MTFR1L: variants seen among roughly 807,000 people sequenced by gnomAD.
MTFR1L encodes mitochondrial fission regulator 1-like.
In MTFR1L, 10 loss-of-function variants were observed where a neutral mutation model predicts 27.9. That is an observed-to-expected ratio of 0.36 (90% CI 0.22 to 0.61). The LOEUF (loss-of-function observed/expected upper bound fraction) is 0.61, where lower values mean the gene tolerates loss of function less well. Among genes scored for constraint, MTFR1L ranks in the 20% least tolerant of loss-of-function variants. The pLI is 0.73. For missense variants in MTFR1L, 315 were observed against 363.7 expected (o/e 0.87, Z 1.09); for synonymous variants, 151 against 139.4 (o/e 1.08, Z -0.58).
chr1:25,823,152 G>A, intron 2 of MTFR1L, 24 bp downstream of exon 2: 1 of 1,610,086 alleles, frequency 6.2e-7, no homozygotes, highest in Non-Finnish European at 8.5e-7. Context: ...CCAGGGCAGG[G>A]GTATGGTGGG....
At position 25,823,073 on chromosome 1, in the gene MTFR1L, G is replaced by A; in HGVS notation, c.-32G>A. ...CGCCTCCCGGAGCTGCCCAGTGGCTGCCTTGTCCTTCAAGTGCAGGAGCTG... is the reference window on the plus strand; with the variant it reads ...CGCCTCCCGGAGCTGCCCAGTGGCTACCTTGTCCTTCAAGTGCAGGAGCTG... On this transcript the variant is annotated 5_prime_UTR_variant, in exon 2 of 7. Transcript: ENST00000374303. 6.2e-7 allele frequency: 1 copy of A among 1,614,206 alleles called. No individual in the cohort carries two copies. Among genetic ancestry groups the A allele is most frequent in the Admixed American group, 1.7e-5 (1 of 60,036 alleles).
At chr1:25,823,604 A>G (rs766134653) in intron 2 of MTFR1L, 40 bp from the exon 3 acceptor site, 61 of 1,605,828 alleles carry the variant, frequency 3.8e-5, no homozygotes, top group Non-Finnish European at 5.0e-5. Context: ...AGTTGGATTC[A>G]TTCTCTGGGG....
intron 1 of MTFR1L, chr1:25,821,040 T>C: frequency 3.7e-6 from 1 of 272,914 alleles, no homozygotes; most frequent in South Asian, 3.0e-5. Context: ...CCAGTGTGGC[T>C]GGAGGGCAAG....
rs753218882 is a variant in MTFR1L at position 25,832,193 on chromosome 1, A to ACTT, written c.*169_*171dup. 1 of 1,535,340 alleles carries ACTT rather than the reference A, an allele frequency of 6.5e-7. No individual in the cohort carries two copies. On this transcript the variant is annotated 3_prime_UTR_variant, in exon 7 of 7. Transcript: ENST00000374303. ...AAGAGCTGGATTATATATTTCCCAGACTTCAAACCCTAGCAGAAGCTAAGG... is the reference window on the plus strand; with the variant it reads ...AAGAGCTGGATTATATATTTCCCAGACTTCTTCAAACCCTAGCAGAAGCTAAGG...
intron 1 of MTFR1L, chr1:25,822,771 C>T: frequency 1.8e-6 from 1 of 570,882 alleles, no homozygotes. Context: ...CGTGATCCGC[C>T]CACCTCGGCC....
chr1:25,824,101 C>T (rs1369616713), intron 3 of MTFR1L, among the ~76,000 whole-genome samples: 2 of 152,178 alleles, frequency 1.3e-5, no homozygotes, highest in African/African-American at 4.8e-5. Flanking sequence ...GTCTTAAACT[C>T]CTGGGCTCAA....
At position 25,829,698 on chromosome 1, in the gene MTFR1L, G is replaced by A. The variant is rs1293844504; in HGVS notation, c.641G>A (p.Cys214Tyr). Residue 214 changes from cysteine (C) to tyrosine (Y), a missense_variant, in exon 6 of 7, where the codon TGC becomes TAC. Cys to Tyr is a radical substitution (Grantham distance 194, BLOSUM62 -2). Transcript: ENST00000374303. The part of the protein sequence containing the change: ...PLLCSASPEC[C>Y]KPEHKAACSS... ...CTTTGTTCTGCCAGCCCTGAATGTTGCAAACCAGAACACAAAGCTGCCTGC... is the reference window on the plus strand; with the variant it reads ...CTTTGTTCTGCCAGCCCTGAATGTTACAAACCAGAACACAAAGCTGCCTGC... 1 of 1,614,098 alleles carries A rather than the reference G, an allele frequency of 6.2e-7. No homozygotes were observed. The highest frequency in any genetic ancestry group is 2.2e-5 in the East Asian group (1 of 44,888).
In MTFR1L at chr1:25,832,172, G is replaced by C. The variant is rs1252010973; in HGVS notation, c.*146G>C. 7 of 1,547,310 alleles carry C rather than the reference G, an allele frequency of 4.5e-6. No individual in the cohort carries two copies. The highest frequency in any genetic ancestry group is 6.1e-6 in the Non-Finnish European group (7 of 1,150,654). On this transcript the variant is annotated 3_prime_UTR_variant, in exon 7 of 7. Coordinates refer to ENST00000374303, the MANE Select transcript of MTFR1L (RefSeq NM_001099625.2). ...CTAGAGCTTGGACTGAAAGAGAAGAGCTGGATTATATATTTCCCAGACTTC... is the reference window on the plus strand; with the variant it reads ...CTAGAGCTTGGACTGAAAGAGAAGACCTGGATTATATATTTCCCAGACTTC...
chr1:25,829,272 T>C (rs1431351450), intron 5 of MTFR1L, among the ~76,000 whole-genome samples: 1 of 152,110 alleles, frequency 6.6e-6, no homozygotes, highest in Non-Finnish European at 1.5e-5. Context: ...TGGGGCTGGG[T>C]TTTCCTGCCT....
chr1:25,823,604 A>T (rs766134653), intron 2 of MTFR1L, 40 bp from the exon 3 acceptor site: 1 of 1,605,946 alleles, frequency 6.2e-7, no homozygotes, highest in South Asian at 1.1e-5. Context: ...AGTTGGATTC[A>T]TTCTCTGGGG....
Position 25,826,005 on chromosome 1 carries a change from T to C in MTFR1L, c.130-297T>C. The C allele has an allele frequency of 3.1e-6, 1 of 321,020 alleles. No individual in the cohort carries two copies. Among genetic ancestry groups the C allele is most frequent in the Non-Finnish European group, 6.0e-6 (1 of 167,904 alleles). The allele number at this position is 321,020 out of a possible 1,614,324, so 19.9% of individuals were successfully genotyped here. A position where few individuals can be genotyped will look rare whatever the true frequency, so the allele number is the denominator to read the frequency against. On this transcript the variant is annotated intron_variant, in intron 3 of 6. Transcript: ENST00000374303. The surrounding 1 kb of genome is among the most constrained non-coding windows in gnomAD (Gnocchi z 4.1). ...TATACCACCATACCCAGATAATTTT[T>C]GTATTTTTTGGTAGAGGCAGGGTTT...
In MTFR1L at chr1:25,826,825, A is replaced by C. The variant is rs759781127; in HGVS notation, c.450A>C (p.Ala150=). The C allele has an allele frequency of 1.2e-6, 2 of 1,613,610 alleles. No homozygotes were observed. The highest frequency in any genetic ancestry group is 1.7e-6 in the Non-Finnish European group (2 of 1,179,954). The change falls in exon 5 of 7, where the codon GCA becomes GCC. Residue 150 remains alanine (A), a splice_region_variant and synonymous_variant. Transcript: ENST00000374303. This position sits in a 1 kb window ranked among gnomAD's most constrained non-coding sequence, Gnocchi z 4.1. The stretch of plus-strand genomic sequence containing the variant: ...TTGCAAAGATAGTGGCAGCTGATGC[A>C]GGTAGGAGCCCCTGTGCCAGGGCCA... The part of the protein sequence containing the change: ...SQIAKIVAAD[A]ASASLTPDFL...
intron 6 of MTFR1L, 76 bp from the exon 7 acceptor site, chr1:25,831,845 A>G (rs2048245616): frequency 8.4e-7 from 1 of 1,187,472 alleles, no homozygotes; most frequent in South Asian, 1.2e-5. Context: ...TGAGGATTCA[A>G]CGAGATAATG....
rs1159906445 is a variant in MTFR1L, at chr1:25,832,171, A to G, written c.*145A>G. 6.5e-7 allele frequency: 1 copy of G among 1,548,200 alleles called. No individual in the cohort carries two copies. Among genetic ancestry groups the G allele is most frequent in the Non-Finnish European group, 8.7e-7 (1 of 1,150,948 alleles). On this transcript the variant is annotated 3_prime_UTR_variant, in exon 7 of 7. Transcript: ENST00000374303. The stretch of plus-strand genomic sequence containing the variant: ...GCTAGAGCTTGGACTGAAAGAGAAG[A>G]GCTGGATTATATATTTCCCAGACTT...
intron 1 of MTFR1L, chr1:25,820,852 GA>G: frequency 2.6e-6 from 1 of 380,080 alleles, no homozygotes; most frequent in South Asian, 1.9e-5. Context: ...CTCTCGCGAG[GA>G]CTCCGAGGGA....
chr1:25,827,502 G>A (rs919940548), intron 5 of MTFR1L, among the ~76,000 whole-genome samples: 3 of 150,530 alleles, frequency 2.0e-5, no homozygotes, highest in African/African-American at 4.9e-5. Context: ...GTGCAGTGGC[G>A]CAATCTTGGC....
intron 1 of MTFR1L, chr1:25,822,255 GCT>G (rs145494631): frequency 6.6e-6 from 1 of 152,276 alleles, no homozygotes; most frequent in East Asian, 1.9e-4. Flanking sequence ...AACTTTTTTG[GCT>G]CTTTTTCTCT....
chr1:25,832,334 G>A lies in MTFR1L; in HGVS notation c.*308G>A. On this transcript the variant is annotated 3_prime_UTR_variant, in exon 7 of 7. Transcript: ENST00000374303. Reference sequence around the variant, plus strand: ...TTTCCTTGCCCCTGTGTGAAAATAGGTCCTAAATGACTGACTTCACTGCAT... The same window carrying A: ...TTTCCTTGCCCCTGTGTGAAAATAGATCCTAAATGACTGACTTCACTGCAT... The A allele has an allele frequency of 1.5e-6, 1 of 687,610 alleles. No individual in the cohort carries two copies. The highest frequency in any genetic ancestry group is 2.7e-5 in the Admixed American group (1 of 36,366). 42.6% of individuals were successfully genotyped at this position (687,610 alleles called of 1,614,324 possible).
At position 25,832,097 on chromosome 1, in the gene MTFR1L, AT is replaced by A; in HGVS notation, c.*72del. ...TCAATAGCTGCCTTCCTCACCGCAG[AT>A]GTTTCTGCCTCTTAAGGATAGATCT... On this transcript the variant is annotated 3_prime_UTR_variant, in exon 7 of 7. Transcript: ENST00000374303. The A allele has an allele frequency of 1.2e-6, 2 of 1,611,476 alleles. No homozygotes were observed. Among genetic ancestry groups the A allele is most frequent in the Non-Finnish European group, 1.7e-6 (2 of 1,179,338 alleles).
Sources: allele counts gnomAD v4.1 joint callset (sites outside exome capture counted in the v4.1 genomes callset), GRCh38; gene constraint gnomAD v4.1.1; non-coding constraint Gnocchi (gnomAD v3.1); transcripts MANE v1.5; gene names NCBI Gene and HGNC (gene_info 2026-07-23, HGNC 2026-07-21).